The following EFCAB11 variants were observed in gnomAD, a reference collection of about 807,000 sequenced individuals.
EFCAB11 encodes EF-hand calcium binding domain 11, also known as EF-hand calcium-binding domain-containing protein 11.
EFCAB11 carries 14 observed loss-of-function variants against 23.0 expected under a neutral mutation model. The observed-to-expected ratio is 0.61, with a 90% confidence interval of 0.40 to 0.95. The LOEUF (loss-of-function observed/expected upper bound fraction) is 0.95. Among genes scored for constraint, EFCAB11 ranks in the 40% least tolerant of loss-of-function variants. The probability of loss-of-function intolerance (pLI) is 0.00; values close to 1 mark genes in which losing one functional copy is unlikely to be tolerated. For missense variants in EFCAB11, 198 were observed against 195.8 expected, an observed-to-expected ratio of 1.01 and a Z score of -0.07; for synonymous variants, 65 against 66.6, an observed-to-expected ratio of 0.98 and a Z score of 0.11.
intron 5 of EFCAB11, among the ~76,000 whole-genome samples, chr14:89,926,230 G>C (rs1890190319): frequency 6.6e-6 from 1 of 152,172 alleles, no homozygotes; most frequent in African/African-American, 2.4e-5. Context: ...TTTTGTATAT[G>C]AGATATCCCT....
At chr14:89,911,730 G>A (rs1308414049) in intron 5 of EFCAB11, among the ~76,000 whole-genome samples, 1 of 152,194 alleles carries the variant, frequency 6.6e-6, no homozygotes, top group African/African-American at 2.4e-5. Context: ...CTGCGGCTTT[G>A]GGGCTAGAAT....
chr14:89,801,059 A>AAAAAG (rs1555369622), intron 5 of EFCAB11, among the ~76,000 whole-genome samples: 2 of 138,812 alleles, frequency 1.4e-5, no homozygotes, highest in Non-Finnish European at 1.5e-5. Context: ...AAAAAAAAAA[A>AAAAAG]AGAAGTACTG....
At chr14:89,804,109 C>T (rs978903693) in intron 5 of EFCAB11, among the ~76,000 whole-genome samples, 8 of 152,210 alleles carry the variant, frequency 5.3e-5, no homozygotes, top group African/African-American at 1.7e-4. Flanking sequence ...AAGCCTCACC[C>T]GAGCCAGTAG....
At chr14:89,923,673 A>G in intron 5 of EFCAB11, 1 of 985,302 alleles carries the variant, frequency 1.0e-6, no homozygotes, top group Non-Finnish European at 1.2e-6. Context: ...GCAGATACTC[A>G]AAGACCAATA....
chr14:89,856,462 T>C (rs1887756192), intron 5 of EFCAB11, among the ~76,000 whole-genome samples: 1 of 152,182 alleles, frequency 6.6e-6, no homozygotes, highest in Non-Finnish European at 1.5e-5. Flanking sequence ...AGTGCTGGGA[T>C]TACAGGCATG....
At chr14:89,843,259 A>G (rs1222131397) in intron 5 of EFCAB11, among the ~76,000 whole-genome samples, 1 of 152,244 alleles carries the variant, frequency 6.6e-6, no homozygotes, top group African/African-American at 2.4e-5. Context: ...TATACTAGAA[A>G]TGAATATTAA....
chr14:89,880,703 C>T (rs1888572410), intron 5 of EFCAB11, among the ~76,000 whole-genome samples: 1 of 152,128 alleles, frequency 6.6e-6, no homozygotes, highest in Admixed American at 6.5e-5. Flanking sequence ...AGCTCTACGA[C>T]CTCTTGAGAG....
At chr14:89,851,395 T>C (rs1887597161) in intron 5 of EFCAB11, among the ~76,000 whole-genome samples, 1 of 152,170 alleles carries the variant, frequency 6.6e-6, no homozygotes, top group African/African-American at 2.4e-5. Context: ...CAGCTCCCAG[T>C]TCACAAAAAG....
At position 89,950,139 on chromosome 14, in the gene EFCAB11, C is replaced by G. The variant is rs1891117278; in HGVS notation, c.175G>C (p.Glu59Gln). Residue 59 changes from glutamate (E) to glutamine (Q), a missense_variant, in exon 3 of 6, where the codon GAA becomes CAA. Glu to Gln is a conservative substitution (Grantham distance 29). Coordinates refer to ENST00000316738, the MANE Select transcript of EFCAB11 (RefSeq NM_145231.4). ...ATTGAAGACATCACAGAATCCACTT[C>G]TATCTAGAAAAGAGGAAAAAATAAT... is the stretch of plus-strand genomic sequence containing the variant. Reference protein sequence around the residue: ...MLFGYKPSKIEVDSVMSSINP... With the variant: ...MLFGYKPSKIQVDSVMSSINP... The G allele has an allele frequency of 9.0e-6, 14 of 1,557,746 alleles. No homozygotes were observed. The highest frequency in any genetic ancestry group is 1.2e-5 in the Non-Finnish European group (14 of 1,140,818).
chr14:89,945,924 T>A (rs540219551), intron 3 of EFCAB11, among the ~76,000 whole-genome samples: 88 of 147,696 alleles, frequency 6.0e-4, no homozygotes, highest in African/African-American at 1.2e-3. Context: ...TTTTTTTTTT[T>A]ATTTTTTTTT....
At chr14:89,820,345 T>C (rs1886471280) in intron 5 of EFCAB11, among the ~76,000 whole-genome samples, 1 of 152,114 alleles carries the variant, frequency 6.6e-6, no homozygotes, top group South Asian at 2.1e-4. Flanking sequence ...CTTAAGGAAA[T>C]TTAAATGCTG....
intron 5 of EFCAB11, among the ~76,000 whole-genome samples, chr14:89,902,144 G>A (rs1889358622): frequency 6.6e-6 from 1 of 152,064 alleles, no homozygotes; most frequent in African/African-American, 2.4e-5. Context: ...TTTTCTTTTA[G>A]TTTCTCAGTC....
intron 5 of EFCAB11, among the ~76,000 whole-genome samples, chr14:89,849,396 T>A (rs577523501): frequency 6.6e-6 from 1 of 152,234 alleles, no homozygotes; most frequent in Non-Finnish European, 1.5e-5. Flanking sequence ...TGGCAGATTA[T>A]GTAAATGAAC....
intron 5 of EFCAB11, among the ~76,000 whole-genome samples, chr14:89,915,493 GCT>G (rs1329255712): frequency 3.3e-5 from 5 of 152,132 alleles, no homozygotes; most frequent in African/African-American, 1.2e-4. Flanking sequence ...AAGGTGCTCG[GCT>G]CTCAATCTGT....
chr14:89,953,652 C>T (rs1364366013), intron 2 of EFCAB11, among the ~76,000 whole-genome samples: 2 of 152,204 alleles, frequency 1.3e-5, no homozygotes, highest in Non-Finnish European at 2.9e-5. Context: ...TGGCACCTCT[C>T]TAGCATCTTG....
At chr14:89,835,460 A>G (rs1887042509) in intron 5 of EFCAB11, among the ~76,000 whole-genome samples, 2 of 151,904 alleles carry the variant, frequency 1.3e-5, no homozygotes, top group African/African-American at 4.9e-5. Flanking sequence ...GGTTTATGAA[A>G]CAAAGTTTTG....
chr14:89,856,192 C>CTT (rs71107567), intron 5 of EFCAB11, among the ~76,000 whole-genome samples: 4,388 of 136,416 alleles, frequency 0.032, 94 homozygotes, highest in Non-Finnish European at 0.044. Context: ...CTCTCTCTCT[C>CTT]TTTTTTTTTT....
intron 5 of EFCAB11, among the ~76,000 whole-genome samples, chr14:89,817,716 A>G (rs1373719450): frequency 6.6e-6 from 1 of 152,152 alleles, no homozygotes; most frequent in Non-Finnish European, 1.5e-5. Flanking sequence ...TTGCAAGGCC[A>G]GGCGCGGTGG....
At chr14:89,847,780 A>G (rs920184287) in intron 5 of EFCAB11, among the ~76,000 whole-genome samples, 2 of 151,784 alleles carry the variant, frequency 1.3e-5, no homozygotes, top group African/African-American at 4.8e-5. Flanking sequence ...AAGAAAGAAA[A>G]AAAAGAATGC....
Sources: allele counts gnomAD v4.1 joint callset (sites outside exome capture counted in the v4.1 genomes callset), GRCh38; gene constraint gnomAD v4.1.1; transcripts MANE v1.5; gene names NCBI Gene and HGNC (gene_info 2026-07-23, HGNC 2026-07-21).